The following SYNPR variants were observed in gnomAD, a reference collection of about 807,000 sequenced individuals.
The protein encoded by SYNPR is synaptoporin.
A neutral mutation model predicts 32.9 loss-of-function variants in SYNPR; 23 were observed. The ratio of observed to expected loss-of-function variants is 0.70; its 90% CI spans 0.50 to 0.99. SYNPR has a LOEUF of 0.99. Among genes scored for constraint, SYNPR ranks in the 50% least tolerant of loss-of-function variants. SYNPR has a pLI of 0.00. For missense variants in SYNPR, 318 were observed against 349.3 expected, an observed-to-expected ratio of 0.91 and a Z score of 0.71; for synonymous variants, 146 against 135.9, an observed-to-expected ratio of 1.07 and a Z score of -0.52.
intron 4 of SYNPR, among the ~76,000 whole-genome samples, chr3:63,593,203 T>A (rs1175843306): frequency 6.6e-6 from 1 of 152,162 alleles, no homozygotes; most frequent in Non-Finnish European, 1.5e-5. Flanking sequence ...CTACTACTAA[T>A]ATTATTAATT....
chr3:63,230,887 T>G (rs1024486779), intron 1 of SYNPR, among the ~76,000 whole-genome samples: 8 of 152,134 alleles, frequency 5.3e-5, no homozygotes, highest in Non-Finnish European at 1.0e-4. Flanking sequence ...CCTTGGAAAT[T>G]TGGAATTTCA....
At chr3:63,476,607 A>G (rs868696478) in intron 2 of SYNPR, among the ~76,000 whole-genome samples, 2 of 152,074 alleles carry the variant, frequency 1.3e-5, no homozygotes, top group Non-Finnish European at 2.9e-5. Context: ...TGGCAAAAAA[A>G]CATCATTCTT....
chr3:63,297,989 C>T (rs2056546), intron 2 of SYNPR, among the ~76,000 whole-genome samples: 70,744 of 151,904 alleles, frequency 0.47, 16,645 homozygotes, highest in Middle Eastern at 0.52. Flanking sequence ...GACCTCTGGC[C>T]GTATGACTCC....
intron 2 of SYNPR, among the ~76,000 whole-genome samples, chr3:63,402,567 C>T (rs891835732): frequency 6.6e-6 from 1 of 152,094 alleles, no homozygotes; most frequent in African/African-American, 2.4e-5. Flanking sequence ...GAAAAAAGGC[C>T]AGCCTATTTG....
chr3:63,383,742 T>C (rs1199322439), intron 2 of SYNPR, among the ~76,000 whole-genome samples: 1 of 152,190 alleles, frequency 6.6e-6, no homozygotes, highest in Admixed American at 6.5e-5. Context: ...CACTCCTCTC[T>C]ATGATGACAC....
At chr3:63,442,171 G>C (rs1427248307) in intron 2 of SYNPR, among the ~76,000 whole-genome samples, 1 of 149,320 alleles carries the variant, frequency 6.7e-6, no homozygotes, top group Non-Finnish European at 1.5e-5. Flanking sequence ...GATAGTGTGT[G>C]TGTGTGTGTG....
intron 3 of SYNPR, among the ~76,000 whole-genome samples, chr3:63,270,248 C>T (rs538545475): frequency 7.9e-4 from 120 of 152,276 alleles, no homozygotes; most frequent in Admixed American, 1.4e-3. Flanking sequence ...CTATGGACCA[C>T]CAGACATGAC....
intron 2 of SYNPR, among the ~76,000 whole-genome samples, chr3:63,301,606 A>G (rs1056837108): frequency 1.3e-5 from 2 of 152,004 alleles, no homozygotes; most frequent in Non-Finnish European, 2.9e-5. Context: ...CTATTCCTCC[A>G]CAAAAGTAAA....
intron 2 of SYNPR, among the ~76,000 whole-genome samples, chr3:63,397,293 A>G (rs1243947246): frequency 6.6e-6 from 1 of 152,118 alleles, no homozygotes; most frequent in Non-Finnish European, 1.5e-5. Context: ...AGGTCAGGAA[A>G]ATGCAAGGGT....
intron 2 of SYNPR, among the ~76,000 whole-genome samples, chr3:63,462,304 ATTTTAT>A (rs996250432): frequency 2.0e-4 from 30 of 151,998 alleles, no homozygotes; most frequent in Non-Finnish European, 1.8e-4. Context: ...CTTTATCACA[ATTTTAT>A]TTTTATTTGC....
intron 2 of SYNPR, among the ~76,000 whole-genome samples, chr3:63,408,176 A>AAGAG (rs1178564447): frequency 8.4e-6 from 1 of 118,380 alleles, no homozygotes; most frequent in Non-Finnish European, 1.7e-5. Context: ...GAAAGAAAGA[A>AAGAG]AGAAAGAAAG....
upstream of SYNPR, among the ~76,000 whole-genome samples, chr3:63,277,392 G>A (rs73845882): frequency 3.8e-4 from 58 of 152,282 alleles, no homozygotes; most frequent in African/African-American, 1.3e-3. Context: ...CCCACTAAGA[G>A]TAAACAACGT....
intron 2 of SYNPR, among the ~76,000 whole-genome samples, chr3:63,263,371 A>G (rs2086455168): frequency 6.6e-6 from 1 of 152,142 alleles, no homozygotes; most frequent in African/African-American, 2.4e-5. Flanking sequence ...CTGCCAGATG[A>G]TACTTTTTTA....
intron 3 of SYNPR, among the ~76,000 whole-genome samples, chr3:63,488,880 T>C (rs1701204774): frequency 6.6e-6 from 1 of 152,036 alleles, no homozygotes; most frequent in African/African-American, 2.4e-5. Flanking sequence ...AAGGGTTAAA[T>C]GAAAAAAGTT....
At chr3:63,418,247 A>G (rs2088566405) in intron 2 of SYNPR, among the ~76,000 whole-genome samples, 1 of 152,182 alleles carries the variant, frequency 6.6e-6, no homozygotes, top group Admixed American at 6.5e-5. Context: ...GCATAGCAAG[A>G]GTCACCTTTG....
chr3:63,304,710 T>G (rs1479644775), intron 2 of SYNPR, among the ~76,000 whole-genome samples: 1 of 151,992 alleles, frequency 6.6e-6, no homozygotes, highest in African/African-American at 2.4e-5. Context: ...TCAGTCTCAC[T>G]GGAAGAAAAG....
At chr3:63,430,712 C>A (rs1436531953) in intron 2 of SYNPR, among the ~76,000 whole-genome samples, 3 of 152,060 alleles carry the variant, frequency 2.0e-5, no homozygotes, top group Non-Finnish European at 4.4e-5. Context: ...ATCTGAGAGA[C>A]CTAGATTCAG....
intron 3 of SYNPR, among the ~76,000 whole-genome samples, chr3:63,524,826 T>A (rs1701977736): frequency 1.0e-5 from 1 of 100,086 alleles, no homozygotes. Flanking sequence ...ATAATAGAAG[T>A]GTGTGTGTGT....
Position 63,558,590 on chromosome 3 carries a change from G to A in SYNPR, c.408+1849G>A, listed in dbSNP as rs540343861. ...TGGACTCAGGTTATCCTCCCGCCTC[G>A]GCCTCCCAAAGTGCTGAGATTACAG... On this transcript the variant is annotated intron_variant, in intron 4 of 5. Coordinates refer to ENST00000478300, the MANE Select transcript of SYNPR (RefSeq NM_001130003.2). Among the ~76,000 whole-genome samples the A allele has an allele frequency of 5.3e-4, 80 of 152,024 alleles. 2 individuals are homozygous for A. Among genetic ancestry groups the A allele is most frequent in the African/African-American group, 7.0e-4 (29 of 41,476 alleles).
Sources: gnomAD v4.1 joint callset for allele counts (sites outside exome capture counted in the v4.1 genomes callset) on GRCh38, gnomAD v4.1.1 for gene constraint, MANE v1.5 for transcripts, NCBI Gene and HGNC (gene_info 2026-07-23, HGNC 2026-07-21) for gene names.